The following UGT2B15 variants were observed in gnomAD, a reference collection of about 807,000 sequenced individuals.
UGT2B15 encodes the protein UDP glucuronosyltransferase family 2 member B15, also known as UDP-glucuronosyltransferase 2B15.
Under a neutral mutation model 45.9 loss-of-function variants are expected in UGT2B15, and 36 were observed. That is an observed-to-expected ratio of 0.78 (90% CI 0.60 to 1.04). UGT2B15 has a LOEUF of 1.04. UGT2B15 is among the 50% of genes least tolerant of loss of function. The probability of loss-of-function intolerance (pLI) is 0.00; values close to 1 mark genes in which losing one functional copy is unlikely to be tolerated. For missense variants in UGT2B15, 617 were observed against 622.4 expected, an observed-to-expected ratio of 0.99 and a Z score of 0.09; for synonymous variants, 219 against 216.4, an observed-to-expected ratio of 1.01 and a Z score of -0.11.
intron 5 of UGT2B15, among the ~76,000 whole-genome samples, chr4:68,651,691 T>C (rs1167436561): frequency 2.0e-5 from 3 of 152,040 alleles, no homozygotes; most frequent in Non-Finnish European, 4.4e-5. Flanking sequence ...TGTAGATGTG[T>C]AGTGTTATTT....
At chr4:68,659,287 G>A (rs947278661) in intron 3 of UGT2B15, among the ~76,000 whole-genome samples, 1 of 151,822 alleles carries the variant, frequency 6.6e-6, no homozygotes, top group Non-Finnish European at 1.5e-5. Flanking sequence ...GTGATATTAA[G>A]TGTTTTAAAC....
At chr4:68,668,261 C>T in intron 1 of UGT2B15, 73 bp from the exon 2 acceptor site, 1 of 1,596,818 alleles carries the variant, frequency 6.3e-7, no homozygotes, top group Non-Finnish European at 8.5e-7. Flanking sequence ...CAGGTATTTT[C>T]CTGAAAGGAC....
chr4:68,663,639 A>G (rs945099056), intron 2 of UGT2B15, among the ~76,000 whole-genome samples: 3 of 151,974 alleles, frequency 2.0e-5, no homozygotes, highest in African/African-American at 7.3e-5. Flanking sequence ...GCATTGAGGA[A>G]AAGTTAGTTA....
At chr4:68,655,561 G>A (rs145405531) in intron 3 of UGT2B15, among the ~76,000 whole-genome samples, 1,793 of 152,092 alleles carry the variant, frequency 0.012, 27 homozygotes, top group South Asian at 0.021. Context: ...TGAGATAAAT[G>A]AATATCAAAT....
At chr4:68,652,704 C>T (rs1272932471) in intron 5 of UGT2B15, among the ~76,000 whole-genome samples, 1 of 129,446 alleles carries the variant, frequency 7.7e-6, no homozygotes, top group African/African-American at 2.5e-5. Context: ...TTTCAAAAGG[C>T]ATCTTCCAAA....
chr4:68,650,386 G>GCC lies in UGT2B15; in HGVS notation c.1314-3004_1314-3003insGG, dbSNP rs1732618206. Among the ~76,000 whole-genome samples, 18 of 152,044 alleles carry GCC rather than the reference G, an allele frequency of 1.2e-4. No individual in the cohort carries two copies. In the South Asian group the frequency reaches 3.7e-3, roughly 32 times the overall value. ...CATTGTTCAACTCCCTCTTATAAGTGAGAACATGTGGTGTTTGGTTTTCTG... is the reference window on the plus strand; with the variant it reads ...CATTGTTCAACTCCCTCTTATAAGTGCCAGAACATGTGGTGTTTGGTTTTCTG... On this transcript the variant is annotated intron_variant, in intron 5 of 5. Transcript: ENST00000338206.
intron 1 of UGT2B15, 77 bp from the exon 2 acceptor site, chr4:68,668,265 A>T: frequency 1.3e-6 from 2 of 1,596,268 alleles, no homozygotes; most frequent in South Asian, 2.3e-5. Flanking sequence ...TATTTTCCTG[A>T]AAGGACTTGG....
Position 68,646,826 on chromosome 4 carries a change from G to T in UGT2B15, c.*278C>A, listed in dbSNP as rs1260893889. On this transcript the variant is annotated 3_prime_UTR_variant, in exon 6 of 6. Transcript: ENST00000338206. ...ACATATGTATACATGTGCCATGTTG[G>T]CGTGCTGCATCCAGTAACTCGTCAT... The T allele has an allele frequency of 1.0e-5, 4 of 384,718 alleles. No individual in the cohort carries two copies. The highest frequency in any genetic ancestry group is 1.9e-5 in the Non-Finnish European group (4 of 214,438). The allele number at this position is 384,718 out of a possible 1,614,324, so 23.8% of individuals were successfully genotyped here.
chr4:68,650,865 A>T (rs1350318813), intron 5 of UGT2B15, among the ~76,000 whole-genome samples: 2 of 151,878 alleles, frequency 1.3e-5, no homozygotes, highest in Admixed American at 1.3e-4. Context: ...ATTGTATCTC[A>T]TTGTGGTTTT....
At chr4:68,647,514 T>C in intron 5 of UGT2B15, 131 bp from the exon 6 acceptor site, 1 of 1,144,716 alleles carries the variant, frequency 8.7e-7, no homozygotes, top group Non-Finnish European at 1.2e-6. Context: ...GGCATGAAAT[T>C]TCAATGTTTT....
In UGT2B15 at chr4:68,647,439, A is replaced by G. The variant is rs972157498; in HGVS notation, c.1314-56T>C. ...AAAAGTAAATTTATTGCTTAAGCAT[A>G]TCAAGTCTATGGATGGTCTTTGAAA... On this transcript the variant is annotated intron_variant, in intron 5 of 5. Coordinates refer to ENST00000338206, the MANE Select transcript of UGT2B15 (RefSeq NM_001076.4). The G allele has an allele frequency of 1.4e-5, 22 of 1,543,870 alleles. No individual in the cohort carries two copies. In the African/African-American group the frequency reaches 2.7e-4, roughly 19 times the overall value.
intron 1 of UGT2B15, 123 bp from the exon 2 acceptor site, chr4:68,668,311 A>G (rs1009556929): frequency 7.3e-6 from 10 of 1,376,000 alleles, no homozygotes; most frequent in Non-Finnish European, 9.8e-6. Flanking sequence ...ATGTCTGTGC[A>G]TTGATAAAAT....
At chr4:68,651,965 G>C (rs1220949663) in intron 5 of UGT2B15, among the ~76,000 whole-genome samples, 2 of 152,086 alleles carry the variant, frequency 1.3e-5, no homozygotes, top group Admixed American at 1.3e-4. Flanking sequence ...ACTTTGGGCA[G>C]CATGGCCATT....
chr4:68,654,956 A>C lies in UGT2B15; in HGVS notation c.1093+139T>G, dbSNP rs886235325. On this transcript the variant is annotated intron_variant, in intron 4 of 5. Coordinates refer to ENST00000338206, the MANE Select transcript of UGT2B15 (RefSeq NM_001076.4). ...ATTCTTTTTATACTAAGACTGGAAA[A>C]TAAATATAAAGTAGTTAAATTTGAT... The C allele has an allele frequency of 8.3e-6, 9 of 1,088,886 alleles. No homozygotes were observed. In the African/African-American group the frequency reaches 1.5e-4, roughly 18 times the overall value. 67.5% of individuals were successfully genotyped at this position (1,088,886 alleles called of 1,614,324 possible).
intron 3 of UGT2B15, among the ~76,000 whole-genome samples, chr4:68,660,690 G>A (rs533012968): frequency 1.3e-5 from 2 of 152,058 alleles, no homozygotes; most frequent in South Asian, 4.2e-4. Context: ...ACTGTCTACA[G>A]TTTGGACTGA....
chr4:68,650,983 T>G (rs988220140), intron 5 of UGT2B15, among the ~76,000 whole-genome samples: 2 of 143,792 alleles, frequency 1.4e-5, no homozygotes, highest in Non-Finnish European at 3.0e-5. Context: ...TTGCCCACTT[T>G]TTGATGGTGT....
Position 68,654,227 on chromosome 4 carries a change from G to A in UGT2B15, c.1123C>T (p.His375Tyr). The A allele has an allele frequency of 1.2e-6, 2 of 1,613,592 alleles. No individual in the cohort carries two copies. The highest frequency in any genetic ancestry group is 8.5e-7 in the Non-Finnish European group (1 of 1,179,656). ...TCATAGATGCCATTGGTTCCACCAT[G>A]AGTTATAAAAGCTTTGGTTTTGGGA... Reference protein sequence around the residue: ...GHPKTKAFITHGGTNGIYEAI... With the variant: ...GHPKTKAFITYGGTNGIYEAI... The change falls in exon 5 of 6, where the codon CAT becomes TAT. Residue 375 changes from histidine to tyrosine, a missense_variant. Physicochemically the swap from His to Tyr is moderately conservative, Grantham distance 83. Coordinates refer to ENST00000338206, the MANE Select transcript of UGT2B15 (RefSeq NM_001076.4).
rs184926869 is a variant in UGT2B15, at chr4:68,655,369, G to A, written c.1006-187C>T. On this transcript the variant is annotated intron_variant, in intron 3 of 5. Transcript: ENST00000338206. Reference sequence around the variant, plus strand: ...AAGTTGAATACCCACGTTTAATGTCGTTACTTTTATAATCAATTTTGTATA... The same window carrying A: ...AAGTTGAATACCCACGTTTAATGTCATTACTTTTATAATCAATTTTGTATA... 5.3e-4 allele frequency among the ~76,000 whole-genome samples: 80 copies of A among 152,062 alleles called. 1 individual carries two copies. The highest frequency in any genetic ancestry group is 1.9e-3 in the African/African-American group (79 of 41,478).
chr4:68,659,527 C>T (rs1270253414), intron 3 of UGT2B15, among the ~76,000 whole-genome samples: 1 of 151,886 alleles, frequency 6.6e-6, no homozygotes, highest in Non-Finnish European at 1.5e-5. Flanking sequence ...TGGGAAACTC[C>T]TATAATTCTG....
Sources: gnomAD v4.1 joint callset for allele counts (sites outside exome capture counted in the v4.1 genomes callset) on GRCh38, gnomAD v4.1.1 for gene constraint, MANE v1.5 for transcripts, NCBI Gene and HGNC (gene_info 2026-07-23, HGNC 2026-07-21) for gene names.